Variants in PATL2 observed in about 807,000 individuals in gnomAD.
The protein encoded by PATL2 is PAT1 homolog 2.
PATL2 carries 73 observed loss-of-function variants against 77.0 expected under a neutral mutation model. The observed-to-expected ratio is 0.95, with a 90% confidence interval of 0.78 to 1.15. PATL2 has a LOEUF of 1.15. Ranked by LOEUF, PATL2 falls within the 50% of genes most tolerant of loss-of-function variation. The probability of loss-of-function intolerance (pLI) is 0.00; values close to 1 mark genes in which losing one functional copy is unlikely to be tolerated. For missense variants in PATL2, 618 were observed against 655.4 expected (o/e 0.94, Z 0.62); for synonymous variants, 265 against 257.1 (o/e 1.03, Z -0.29).
chr15:44,678,139 A>G (rs1380009558), intron 3 of PATL2, among the ~76,000 whole-genome samples: 1 of 152,168 alleles, frequency 6.6e-6, no homozygotes, highest in Non-Finnish European at 1.5e-5. Context: ...AGCACAAGCC[A>G]CCACACCCAG....
Position 44,711,088 on chromosome 15 carries a change from A to G in PATL2, c.-322T>C. On this transcript the variant is annotated 5_prime_UTR_variant, in exon 1 of 18. Transcript: ENST00000682850. ...TATAAACAGAAGTTCTCCTTCTGCT[A>G]GGTAGCATTCAAAGATCTTAATCTT... is the stretch of plus-strand genomic sequence containing the variant. 3.4e-6 allele frequency: 1 copy of G among 296,302 alleles called. No homozygotes were observed. 18.4% of individuals were successfully genotyped at this position (296,302 alleles called of 1,614,324 possible).
Position 44,666,440 on chromosome 15 carries a change from C to G in PATL2, c.1565G>C (p.Cys522Ser). 2 of 1,551,680 alleles carry G rather than the reference C, an allele frequency of 1.3e-6. No homozygotes were observed. Among genetic ancestry groups the G allele is most frequent in the Non-Finnish European group, 1.7e-6 (2 of 1,146,984 alleles). The change falls in exon 17 of 18, where the codon TGT (cysteine) becomes TCT (serine). Residue 522 changes from cysteine (C) to serine (S), a missense_variant. By Grantham distance (112) the Cys-to-Ser change is moderately radical. Transcript: ENST00000682850. The stretch of plus-strand genomic sequence containing the variant: ...AACCAATTGTTTGTCCACGTGGTGA[C>G]AGAACAGGGGAAGTAGGTTGCTGGG... ...AFPSNLLPLF[C>S]HHVDKQLVQQ...
intron 3 of PATL2, among the ~76,000 whole-genome samples, chr15:44,705,202 A>C (rs1182197785): frequency 2.6e-5 from 4 of 151,156 alleles, no homozygotes; most frequent in Non-Finnish European, 5.9e-5. Context: ...TTTCTTTTTG[A>C]GACAGAGTCT....
chr15:44,686,861 G>C (rs966974419), intron 3 of PATL2, among the ~76,000 whole-genome samples: 1 of 152,134 alleles, frequency 6.6e-6, no homozygotes, highest in Admixed American at 6.5e-5. Flanking sequence ...CCAGGAAGAA[G>C]TTGAATCCCT....
Position 44,672,476 on chromosome 15 carries a change from C to T in PATL2, c.447-20G>A, listed in dbSNP as rs573246228. 124 of 1,548,616 alleles carry T rather than the reference C, an allele frequency of 8.0e-5. 1 individual carries two copies. The South Asian group carries it at 8.9e-4, about 11-fold the overall frequency. On this transcript the variant is annotated intron_variant, in intron 7 of 17. Coordinates refer to ENST00000682850, the MANE Select transcript of PATL2 (RefSeq NM_001387263.1). ...AGATGACTGGGAAGACAAGAAGTAACGAGCTGGGTGGAAGGAAGCTCTCAG... is the reference window on the plus strand; with the variant it reads ...AGATGACTGGGAAGACAAGAAGTAATGAGCTGGGTGGAAGGAAGCTCTCAG...
At chr15:44,675,767 C>T (rs1171078833) in intron 4 of PATL2, 76 bp from the exon 5 acceptor site, 12 of 1,251,300 alleles carry the variant, frequency 9.6e-6, no homozygotes, top group Non-Finnish European at 1.3e-5. Context: ...GGCTGCTACT[C>T]AATAGCACTT....
intron 3 of PATL2, among the ~76,000 whole-genome samples, chr15:44,704,945 TA>T (rs2086702150): frequency 6.6e-6 from 1 of 152,212 alleles, no homozygotes; most frequent in African/African-American, 2.4e-5. Flanking sequence ...CATGGTATGT[TA>T]TTTGTTTATT....
At chr15:44,710,312 C>T (rs2086828761) in intron 2 of PATL2, among the ~76,000 whole-genome samples, 98 bp from the exon 3 acceptor site, 1 of 152,228 alleles carries the variant, frequency 6.6e-6, no homozygotes, top group Non-Finnish European at 1.5e-5. Context: ...CTTCCAAGAT[C>T]TCTGCCCCTC....
intron 9 of PATL2, among the ~76,000 whole-genome samples, chr15:44,671,267 T>C (rs1359734133): frequency 1.3e-5 from 2 of 152,080 alleles, no homozygotes; most frequent in African/African-American, 2.4e-5. Flanking sequence ...GGCGGGTGGA[T>C]CACTTGAGGT....
At chr15:44,675,444 C>T (rs1355060713) in intron 5 of PATL2, 42 bp downstream of exon 5, 1 of 1,522,860 alleles carries the variant, frequency 6.6e-7, no homozygotes, top group East Asian at 2.5e-5. Context: ...GAGCCACAGA[C>T]AGTTCAGGAC....
Position 44,666,441 on chromosome 15 carries a change from A to G in PATL2, c.1564T>C (p.Cys522Arg). ...ACCAATTGTTTGTCCACGTGGTGAC[A>G]GAACAGGGGAAGTAGGTTGCTGGGG... ...AFPSNLLPLF[C>R]HHVDKQLVQQ... The change falls in exon 17 of 18, where the codon TGT (cysteine) becomes CGT (arginine). Residue 522 changes from cysteine (C) to arginine (R), a missense_variant. By Grantham distance (180) the Cys-to-Arg change is radical. Transcript: ENST00000682850. The G allele has an allele frequency of 6.4e-7, 1 of 1,551,748 alleles. No individual in the cohort carries two copies. The highest frequency in any genetic ancestry group is 8.7e-7 in the Non-Finnish European group (1 of 1,146,994).
chr15:44,692,349 G>C (rs2141248149), intron 3 of PATL2, among the ~76,000 whole-genome samples: 1 of 152,088 alleles, frequency 6.6e-6, no homozygotes, highest in Middle Eastern at 3.4e-3. Context: ...AAGCTATGTG[G>C]ATAAGGTTTG....
rs1180302199 is a variant in PATL2, at chr15:44,675,467, T to G, written c.222+19A>C. On this transcript the variant is annotated intron_variant, in intron 5 of 17. Transcript: ENST00000682850. Reference sequence around the variant, plus strand: ...GACAGTTCAGGACAACCCTCTCCCATTCCCTTCTGCCATGGTACCTGGGTG... The same window carrying G: ...GACAGTTCAGGACAACCCTCTCCCAGTCCCTTCTGCCATGGTACCTGGGTG... 1 of 1,547,454 alleles carries G rather than the reference T, an allele frequency of 6.5e-7. No homozygotes were observed. Among genetic ancestry groups the G allele is most frequent in the Non-Finnish European group, 8.7e-7 (1 of 1,144,534 alleles).
intron 4 of PATL2, chr15:44,675,969 C>A: frequency 2.3e-6 from 1 of 438,198 alleles, no homozygotes; most frequent in Non-Finnish European, 4.1e-6. Flanking sequence ...ATCATTTGGG[C>A]CCAGGAGTTT....
intron 3 of PATL2, among the ~76,000 whole-genome samples, chr15:44,691,504 AAC>A (rs1307178525): frequency 6.6e-6 from 1 of 152,004 alleles, no homozygotes; most frequent in Non-Finnish European, 1.5e-5. Flanking sequence ...CTAAAAATAC[AAC>A]AGTTATCTGA....
rs1406554948 is a variant in PATL2 at position 44,710,125 on chromosome 15, C to T, written c.-105G>A. Reference sequence around the variant, plus strand: ...TACCAGGCATTGTGGGAGGCTCTCTCTTGTGCATTATCTCATTTCATTAGG... The same window carrying T: ...TACCAGGCATTGTGGGAGGCTCTCTTTTGTGCATTATCTCATTTCATTAGG... On this transcript the variant is annotated 5_prime_UTR_variant, in exon 3 of 18. Coordinates refer to ENST00000682850, the MANE Select transcript of PATL2 (RefSeq NM_001387263.1). 1.3e-5 allele frequency among the ~76,000 whole-genome samples: 2 copies of T among 152,196 alleles called. No individual in the cohort carries two copies. The highest frequency in any genetic ancestry group is 2.9e-5 in the Non-Finnish European group (2 of 68,032).
At chr15:44,667,382 A>G (rs536740965) in intron 15 of PATL2, 179 bp from the exon 16 acceptor site, 214 of 574,176 alleles carry the variant, frequency 3.7e-4, no homozygotes, top group Non-Finnish European at 6.2e-4. Context: ...AACCCTTTCC[A>G]TAGGAATCAC....
At chr15:44,688,719 A>G (rs933258687) in intron 3 of PATL2, among the ~76,000 whole-genome samples, 1 of 152,242 alleles carries the variant, frequency 6.6e-6, no homozygotes, top group African/African-American at 2.4e-5. Context: ...CTCAAGATGG[A>G]TTAAAGACTT....
chr15:44,703,752 T>TTTA lies in PATL2; in HGVS notation c.-76+6343_-76+6344insTAA, dbSNP rs1305266405. Among the ~76,000 whole-genome samples, 62 of 123,694 alleles carry TTTA rather than the reference T, an allele frequency of 5.0e-4. 2 individuals are homozygous for TTTA. In the South Asian group the frequency reaches 9.9e-3, roughly 20 times the overall value. The allele number at this position is 123,694 out of a possible 152,430, so 81.1% of individuals were successfully genotyped here. A position where few individuals can be genotyped will look rare whatever the true frequency, so the allele number is the denominator to read the frequency against. ...TTTTTTTTTTTTTTTTTTTTTTTTT[T>TTTA]AAATCCATTCAGCCACTCTATGTCT... On this transcript the variant is annotated intron_variant, in intron 3 of 17. Coordinates refer to ENST00000682850, the MANE Select transcript of PATL2 (RefSeq NM_001387263.1).
Sources: allele counts gnomAD v4.1 joint callset (sites outside exome capture counted in the v4.1 genomes callset), GRCh38; gene constraint gnomAD v4.1.1; transcripts MANE v1.5; gene names NCBI Gene and HGNC (gene_info 2026-07-23, HGNC 2026-07-21).